ZNF804B: variants seen among roughly 807,000 people sequenced by gnomAD.
The protein encoded by ZNF804B is zinc finger 804B.
ZNF804B carries 80 observed loss-of-function variants against 101.4 expected under a neutral mutation model. That is an observed-to-expected ratio of 0.79 (90% confidence interval 0.66 to 0.95). The LOEUF (loss-of-function observed/expected upper bound fraction) is 0.95, where lower values mean the gene tolerates loss of function less well. ZNF804B is among the 40% of genes least tolerant of loss of function. The probability of loss-of-function intolerance (pLI) is 0.00; values close to 1 mark genes in which losing one functional copy is unlikely to be tolerated. For missense variants in ZNF804B, 1,673 were observed against 1,561.9 expected (o/e 1.07, Z -1.20); for synonymous variants, 622 against 558.8 (o/e 1.11, Z -1.59).
At chr7:89,172,625 C>G (rs1342753272) in intron 1 of ZNF804B, among the ~76,000 whole-genome samples, 1 of 152,060 alleles carries the variant, frequency 6.6e-6, no homozygotes, top group African/African-American at 2.4e-5. Flanking sequence ...ATTTAATGTT[C>G]TTAATATACC....
chr7:88,946,263 C>T (rs185951881), intron 1 of ZNF804B, among the ~76,000 whole-genome samples: 29 of 149,912 alleles, frequency 1.9e-4, no homozygotes, highest in African/African-American at 6.6e-4. Flanking sequence ...TACATTCCAT[C>T]GATACCTAGT....
chr7:88,765,235 T>C (rs1789962939), intron 1 of ZNF804B, among the ~76,000 whole-genome samples: 1 of 152,180 alleles, frequency 6.6e-6, no homozygotes, highest in South Asian at 2.1e-4. Flanking sequence ...TTTAGATATA[T>C]GACTAAAATG....
In ZNF804B at chr7:89,071,781, TACAC is replaced by T. The variant is rs36061852; in HGVS notation, c.109-146354_109-146351del. On this transcript the variant is annotated intron_variant, in intron 1 of 3. Transcript: ENST00000333190. ...GTAGATATTTATGCACACACAAATGTACACACACACACACACACACACATTTAAT... is the reference window on the plus strand; with the variant it reads ...GTAGATATTTATGCACACACAAATGTACACACACACACACACACATTTAAT... 7.4e-5 allele frequency among the ~76,000 whole-genome samples: 11 copies of T among 147,826 alleles called. No individual in the cohort carries two copies. In the South Asian group the frequency reaches 8.5e-4, roughly 11 times the overall value.
At chr7:89,019,189 T>C (rs1440301847) in intron 1 of ZNF804B, among the ~76,000 whole-genome samples, 2 of 152,112 alleles carry the variant, frequency 1.3e-5, no homozygotes, top group Non-Finnish European at 2.9e-5. Context: ...GTTTTTATTT[T>C]AATTTGTTTC....
At chr7:89,218,656 T>G (rs1258085756) in intron 2 of ZNF804B, among the ~76,000 whole-genome samples, 2 of 152,144 alleles carry the variant, frequency 1.3e-5, no homozygotes, top group African/African-American at 2.4e-5. Flanking sequence ...CCTCAGAAAT[T>G]TACTAATAGC....
At chr7:89,255,998 T>C (rs1789626899) in intron 2 of ZNF804B, among the ~76,000 whole-genome samples, 1 of 152,118 alleles carries the variant, frequency 6.6e-6, no homozygotes, top group Non-Finnish European at 1.5e-5. Context: ...CAAAACATAA[T>C]GACCTGATTG....
intron 1 of ZNF804B, among the ~76,000 whole-genome samples, chr7:88,803,811 T>C (rs62462039): frequency 0.056 from 8,451 of 151,980 alleles, 245 homozygotes; most frequent in African/African-American, 0.067. Context: ...GTTGTCTGCA[T>C]TGAGGGTAGA....
rs551199511 is a variant in ZNF804B, at chr7:89,136,402, G to A, written c.109-81753G>A. On this transcript the variant is annotated intron_variant, in intron 1 of 3. Coordinates refer to ENST00000333190, the MANE Select transcript of ZNF804B (RefSeq NM_181646.5). ...TTTGTTACTTTAATAATTGTTGAAT[G>A]TACAATTCAATGGCATTAAGTTCAT... Among the ~76,000 whole-genome samples the A allele has an allele frequency of 8.9e-4, 135 of 152,102 alleles. 1 individual carries two copies. The highest frequency in any genetic ancestry group is 3.0e-3 in the African/African-American group (126 of 41,514).
intron 2 of ZNF804B, among the ~76,000 whole-genome samples, chr7:89,233,686 C>A (rs560453992): frequency 6.6e-6 from 1 of 151,782 alleles, no homozygotes; most frequent in Non-Finnish European, 1.5e-5. Context: ...TTGCCCAGGC[C>A]GGAGTGCAAT....
intron 1 of ZNF804B, among the ~76,000 whole-genome samples, chr7:89,156,006 TCTTTCTCTCTTTC>T (rs1481551598): frequency 2.4e-4 from 29 of 120,918 alleles, no homozygotes; most frequent in South Asian, 6.1e-4. Flanking sequence ...TTTCTTTCTT[TCTTTCTCTCTTTC>T]CTTTCTTTCT....
intron 1 of ZNF804B, chr7:88,794,782 G>A (rs1790450481): frequency 6.2e-7 from 1 of 1,613,504 alleles, no homozygotes; most frequent in Non-Finnish European, 8.5e-7. Context: ...TTGTATCTTG[G>A]CCACTAGAAA....
chr7:88,890,494 CATGA>C (rs1287056923), intron 1 of ZNF804B, among the ~76,000 whole-genome samples: 1 of 152,134 alleles, frequency 6.6e-6, no homozygotes, highest in African/African-American at 2.4e-5. Context: ...TCTCACTATC[CATGA>C]ATGAGAGTTC....
intron 1 of ZNF804B, among the ~76,000 whole-genome samples, chr7:89,092,482 G>C (rs146212112): frequency 1.4e-3 from 173 of 119,446 alleles, no homozygotes; most frequent in African/African-American, 5.3e-3. Flanking sequence ...GTGCCATCTT[G>C]GCTCACTGCA....
intron 1 of ZNF804B, among the ~76,000 whole-genome samples, chr7:88,860,617 C>A (rs1791631228): frequency 6.6e-6 from 1 of 152,048 alleles, no homozygotes; most frequent in Admixed American, 6.6e-5. Context: ...TTCATATTTA[C>A]AGTCCTGTGT....
chr7:89,143,909 C>A (rs1329174742), intron 1 of ZNF804B, among the ~76,000 whole-genome samples: 5 of 151,954 alleles, frequency 3.3e-5, no homozygotes, highest in Non-Finnish European at 4.4e-5. Context: ...CTAACATGGG[C>A]TGGTGGCAAT....
At chr7:88,930,331 G>T (rs1000225303) in intron 1 of ZNF804B, among the ~76,000 whole-genome samples, 2 of 151,882 alleles carry the variant, frequency 1.3e-5, no homozygotes, top group African/African-American at 4.8e-5. Flanking sequence ...TGCATTAACT[G>T]AGGAGAAATG....
intron 1 of ZNF804B, among the ~76,000 whole-genome samples, chr7:89,041,530 G>T (rs1315320525): frequency 6.6e-6 from 1 of 152,184 alleles, no homozygotes; most frequent in East Asian, 1.9e-4. Flanking sequence ...GGGCTCATGT[G>T]ATTGAGTCTG....
chr7:88,807,666 A>C (rs1790713170), intron 1 of ZNF804B, among the ~76,000 whole-genome samples: 1 of 152,010 alleles, frequency 6.6e-6, no homozygotes, highest in African/African-American at 2.4e-5. Context: ...AAACTAGAGC[A>C]CTCCTATGTT....
intron 1 of ZNF804B, among the ~76,000 whole-genome samples, chr7:88,924,713 T>C (rs1180919363): frequency 6.6e-6 from 1 of 152,130 alleles, no homozygotes; most frequent in Non-Finnish European, 1.5e-5. Context: ...CTCTCCTCAT[T>C]TGGTGTTATT....
Sources: gnomAD v4.1 joint callset for allele counts (sites outside exome capture counted in the v4.1 genomes callset) on GRCh38, gnomAD v4.1.1 for gene constraint, MANE v1.5 for transcripts, NCBI Gene and HGNC (gene_info 2026-07-23, HGNC 2026-07-21) for gene names.